The following CES5A variants were observed in gnomAD, a reference collection of about 807,000 sequenced individuals.
The protein encoded by CES5A is carboxylesterase 5A, also known as carboxylesterase 5.
In CES5A, 67 loss-of-function variants were observed where a neutral mutation model predicts 62.9. The observed-to-expected ratio is 1.07, with a 90% CI of 0.88 to 1.31. The LOEUF (loss-of-function observed/expected upper bound fraction) is 1.31, where lower values mean the gene tolerates loss of function less well. Among genes scored for constraint, CES5A ranks in the 50% most tolerant of loss-of-function variants. The probability of loss-of-function intolerance (pLI) is 0.00; values close to 1 mark genes in which losing one functional copy is unlikely to be tolerated. For missense variants in CES5A, 748 were observed against 708.5 expected (o/e 1.06, Z -0.63); for synonymous variants, 296 against 280.8 (o/e 1.05, Z -0.54).
At chr16:55,927,123 A>G (rs370284728), upstream of CES5A, among the ~76,000 whole-genome samples, 330 of 152,374 alleles carry the variant, frequency 2.2e-3, 4 homozygotes, top group Middle Eastern at 0.01. Context: ...ATAGAAAAAA[A>G]CTAAAGACTT....
At chr16:55,888,867 A>C (rs1399464074) in intron 1 of CES5A, among the ~76,000 whole-genome samples, 1 of 152,220 alleles carries the variant, frequency 6.6e-6, no homozygotes, top group Non-Finnish European at 1.5e-5. Context: ...CCATCATGCT[A>C]TTCGGCCTTT....
chr16:55,895,375 G>A lies in CES5A; in HGVS notation c.-255-21338C>T, dbSNP rs149364776. ...GGGCTGTGTCCAGCAAATCCACGGG[G>A]GGCAGTACTGCCCAAAGCGTGGGAG... On this transcript the variant is annotated intron_variant, in intron 1 of 12. Coordinates refer to the CES5A transcript ENST00000518005. 2.8e-3 allele frequency among the ~76,000 whole-genome samples: 431 copies of A among 152,330 alleles called. 3 individuals are homozygous for A. The highest frequency in any genetic ancestry group is 9.9e-3 in the African/African-American group (412 of 41,572).
intron 1 of CES5A, among the ~76,000 whole-genome samples, chr16:55,895,495 T>A (rs2033922634): frequency 6.6e-6 from 1 of 152,222 alleles, no homozygotes; most frequent in Admixed American, 6.5e-5. Flanking sequence ...CTGACAGACT[T>A]TTGACTTGTA....
At chr16:55,910,089 G>A (rs1043475756) in intron 1 of CES5A, among the ~76,000 whole-genome samples, 11 of 152,250 alleles carry the variant, frequency 7.2e-5, no homozygotes, top group South Asian at 6.2e-4. Context: ...TCAGATGTGT[G>A]AGAAGGGACA....
At chr16:55,944,929 A>G (rs2034478826) in intron 2 of CES5A, among the ~76,000 whole-genome samples, 1 of 152,190 alleles carries the variant, frequency 6.6e-6, no homozygotes, top group African/African-American at 2.4e-5. Context: ...CCCTATACTC[A>G]AGGGAAAGAA....
intron 2 of CES5A, among the ~76,000 whole-genome samples, chr16:55,930,723 T>C (rs1254107714): frequency 6.6e-6 from 1 of 152,228 alleles, no homozygotes; most frequent in Non-Finnish European, 1.5e-5. Context: ...TTACATTGTT[T>C]GTGTGATTTT....
intron 1 of CES5A, among the ~76,000 whole-genome samples, chr16:55,891,822 C>T (rs563313252): frequency 3.2e-4 from 48 of 152,130 alleles, no homozygotes; most frequent in Non-Finnish European, 5.7e-4. Context: ...ATTTAACCCT[C>T]TATATCATGA....
chr16:55,847,807 A>G (rs959449590), intron 11 of CES5A, among the ~76,000 whole-genome samples: 9 of 152,250 alleles, frequency 5.9e-5, no homozygotes, highest in Admixed American at 3.9e-4. Context: ...TGGTAAAAGT[A>G]ATATTTTAGT....
intron 1 of CES5A, among the ~76,000 whole-genome samples, chr16:55,921,157 T>G (rs1114820): frequency 0.036 from 5,507 of 152,214 alleles, 341 homozygotes; most frequent in African/African-American, 0.12. Flanking sequence ...AGAATTATTG[T>G]TGTTCAAAGA....
At chr16:55,928,104 G>T (rs755737106), upstream of CES5A, among the ~76,000 whole-genome samples, 17 of 152,240 alleles carry the variant, frequency 1.1e-4, no homozygotes, top group African/African-American at 2.2e-4. Flanking sequence ...TTAGCTGGGC[G>T]TGGTGGCAGG....
At chr16:55,941,300 C>T (rs1439848053) in intron 2 of CES5A, among the ~76,000 whole-genome samples, 2 of 152,004 alleles carry the variant, frequency 1.3e-5, no homozygotes, top group Admixed American at 1.3e-4. Flanking sequence ...AGCAAGATTG[C>T]AAGGCAACAC....
intron 8 of CES5A, among the ~76,000 whole-genome samples, chr16:55,857,526 CAG>C (rs2033266706): frequency 6.6e-6 from 1 of 152,200 alleles, no homozygotes; most frequent in South Asian, 2.1e-4. Flanking sequence ...CCTGGAATCT[CAG>C]GGAATCCTCA....
At chr16:55,857,783 A>G (rs2033272873) in intron 8 of CES5A, among the ~76,000 whole-genome samples, 1 of 152,208 alleles carries the variant, frequency 6.6e-6, no homozygotes, top group Admixed American at 6.5e-5. Flanking sequence ...TTTTTGATGT[A>G]TACCTGTGAG....
At chr16:55,870,275 G>A (rs1264080993) in intron 3 of CES5A, among the ~76,000 whole-genome samples, 10 of 151,928 alleles carry the variant, frequency 6.6e-5, no homozygotes, top group Middle Eastern at 3.4e-3. Flanking sequence ...GAGAAAAGAG[G>A]AATGGAGGAG....
intron 8 of CES5A, among the ~76,000 whole-genome samples, chr16:55,857,786 C>T (rs1290316535): frequency 1.3e-5 from 2 of 152,114 alleles, no homozygotes; most frequent in Non-Finnish European, 2.9e-5. Flanking sequence ...TTGATGTATA[C>T]CTGTGAGGCA....
intron 2 of CES5A, chr16:55,944,281 T>C: frequency 3.3e-6 from 2 of 602,946 alleles, no homozygotes; most frequent in South Asian, 2.0e-5. Context: ...TAATGGCCCC[T>C]GGTGACCTCC....
intron 11 of CES5A, among the ~76,000 whole-genome samples, chr16:55,848,418 C>G (rs2033060277): frequency 6.6e-6 from 1 of 152,126 alleles, no homozygotes; most frequent in Admixed American, 6.5e-5. Context: ...CATGCCCGGC[C>G]TTACATGCAT....
rs749278367 is a variant in CES5A, at chr16:55,849,699, C to G, written c.1348G>C (p.Val450Leu). 6.2e-7 allele frequency: 1 copy of G among 1,613,966 alleles called. No individual in the cohort carries two copies. Among genetic ancestry groups the G allele is most frequent in the Non-Finnish European group, 8.5e-7 (1 of 1,179,872 alleles). The change falls in exon 11 of 13, where the codon GTC becomes CTC. Residue 450 changes from valine (V) to leucine (L), a missense_variant. Val to Leu is a conservative substitution (Grantham distance 32). Coordinates refer to ENST00000290567, the MANE Select transcript of CES5A (RefSeq NM_001143685.2). The stretch of plus-strand genomic sequence containing the variant: ...ACTTCATCAGCGTGGTCGGCTTTGA[C>G]AAAAGCTGGCTTCGTGTCTTCAAAG... ...QCFEDTKPAF[V>L]KADHADEVRF... is the part of the protein sequence containing the mutation.
intron 1 of CES5A, among the ~76,000 whole-genome samples, chr16:55,897,725 G>A (rs2033948610): frequency 6.6e-6 from 1 of 152,210 alleles, no homozygotes; most frequent in South Asian, 2.1e-4. Context: ...GTGGACACAT[G>A]TCTTTACCAT....
Sources: gnomAD v4.1 joint callset for allele counts (sites outside exome capture counted in the v4.1 genomes callset) on GRCh38, gnomAD v4.1.1 for gene constraint, MANE v1.5 for transcripts, NCBI Gene and HGNC (gene_info 2026-07-23, HGNC 2026-07-21) for gene names.